FILIP1L: variants seen among roughly 807,000 people sequenced by gnomAD.
FILIP1L encodes the protein filamin A interacting protein 1 like.
FILIP1L carries 55 observed loss-of-function variants against 96.6 expected under a neutral mutation model. That is an observed-to-expected ratio of 0.57 (90% CI 0.46 to 0.71). The LOEUF is 0.71. FILIP1L is among the 30% of genes least tolerant of loss of function. FILIP1L has a pLI of 0.00. For missense variants in FILIP1L, 1,304 were observed against 1,321.2 expected (o/e 0.99, Z 0.20); for synonymous variants, 467 against 473.9 (o/e 0.99, Z 0.19).
At chr3:99,929,713 G>A in intron 3 of FILIP1L, 143 bp downstream of exon 3, 1 of 551,720 alleles carries the variant, frequency 1.8e-6, no homozygotes, top group Non-Finnish European at 3.0e-6. Flanking sequence ...TATTGAACTT[G>A]TCGTATTTAT....
intron 1 of FILIP1L, among the ~76,000 whole-genome samples, chr3:100,077,809 G>A (rs1165761214): frequency 6.6e-6 from 1 of 152,152 alleles, no homozygotes; most frequent in Non-Finnish European, 1.5e-5. Context: ...CTGGGAGGCT[G>A]AGACAGGAGG....
chr3:99,892,891 T>G (rs1706129945), intron 4 of FILIP1L, among the ~76,000 whole-genome samples: 1 of 152,200 alleles, frequency 6.6e-6, no homozygotes, highest in African/African-American at 2.4e-5. Context: ...TAAGTTATCT[T>G]TTACATAAAT....
Position 99,848,959 on chromosome 3 carries a change from A to G in FILIP1L, c.2717T>C (p.Val906Ala). 6.2e-7 allele frequency: 1 copy of G among 1,614,018 alleles called. No homozygotes were observed. The highest frequency in any genetic ancestry group is 8.5e-7 in the Non-Finnish European group (1 of 1,179,978). Residue 906 changes from valine to alanine, a missense_variant, in exon 5 of 6, where the codon GTT becomes GCT. Coordinates refer to ENST00000477258, the MANE Select transcript of FILIP1L (RefSeq NM_001387850.1). ...HTPGQPLHIK[V>A]TPDHVQNTAT... ...TGTGTTTTGTACATGGTCTGGAGTA[A>G]CCTTTATATGAAGTGGCTGCCCAGG...
chr3:99,832,633 A>G (rs1942718633), intron 5 of FILIP1L, among the ~76,000 whole-genome samples: 1 of 144,748 alleles, frequency 6.9e-6, no homozygotes, highest in Admixed American at 6.8e-5. Context: ...ACTTGAGGTC[A>G]GGAGTTCGAG....
chr3:99,911,955 A>G (rs1414237727), intron 4 of FILIP1L, among the ~76,000 whole-genome samples: 1 of 152,086 alleles, frequency 6.6e-6, no homozygotes, highest in Non-Finnish European at 1.5e-5. Context: ...TTTTCCAGCA[A>G]ATAATCATTT....
At chr3:99,840,226 T>C (rs1943073241) in intron 5 of FILIP1L, among the ~76,000 whole-genome samples, 2 of 143,766 alleles carry the variant, frequency 1.4e-5, no homozygotes, top group South Asian at 4.7e-4. Flanking sequence ...AGAATCTTTT[T>C]TTTTTTTTTT....
chr3:99,947,642 A>G (rs1420703737), intron 1 of FILIP1L, among the ~76,000 whole-genome samples: 1 of 152,218 alleles, frequency 6.6e-6, no homozygotes, highest in East Asian at 1.9e-4. Context: ...GCAGGATTTA[A>G]TCGCAACTCA....
chr3:100,016,546 G>C (rs1710345708), intron 1 of FILIP1L, among the ~76,000 whole-genome samples: 2 of 152,058 alleles, frequency 1.3e-5, no homozygotes, highest in Non-Finnish European at 2.9e-5. Context: ...CTTCTGTGAG[G>C]GTGCCTTGCT....
intron 4 of FILIP1L, chr3:99,875,933 G>A: frequency 2.1e-6 from 1 of 471,000 alleles, no homozygotes; most frequent in Non-Finnish European, 2.8e-6. Context: ...TTTGAACCTA[G>A]AATTCATTGG....
intron 4 of FILIP1L, among the ~76,000 whole-genome samples, chr3:99,875,038 A>G (rs561606034): frequency 1.8e-4 from 28 of 152,230 alleles, no homozygotes; most frequent in Non-Finnish European, 2.9e-4. Flanking sequence ...AAAAGGGACA[A>G]TTCTGTCACA....
At chr3:100,017,012 A>G (rs538921836) in intron 1 of FILIP1L, among the ~76,000 whole-genome samples, 1 of 152,282 alleles carries the variant, frequency 6.6e-6, no homozygotes, top group African/African-American at 2.4e-5. Flanking sequence ...AGATCTTTAA[A>G]TGGGTTTTTG....
chr3:99,851,563 G>T (rs559844394), intron 4 of FILIP1L, among the ~76,000 whole-genome samples: 42 of 152,194 alleles, frequency 2.8e-4, no homozygotes, highest in Non-Finnish European at 4.4e-4. Flanking sequence ...ATTAAATGCG[G>T]TAATTCATCT....
At chr3:99,998,880 A>G (rs1046711208) in intron 1 of FILIP1L, among the ~76,000 whole-genome samples, 6 of 148,490 alleles carry the variant, frequency 4.0e-5, no homozygotes, top group Admixed American at 4.0e-4. Context: ...TGGTTCTTAA[A>G]CTCTAACCTA....
intron 1 of FILIP1L, among the ~76,000 whole-genome samples, chr3:99,993,227 T>C (rs1017170717): frequency 6.6e-6 from 1 of 152,056 alleles, no homozygotes; most frequent in African/African-American, 2.4e-5. Flanking sequence ...AGAGATTACA[T>C]TGAATATTAT....
chr3:99,968,226 G>T (rs933853832), intron 1 of FILIP1L, among the ~76,000 whole-genome samples: 8 of 152,118 alleles, frequency 5.3e-5, no homozygotes, highest in African/African-American at 1.9e-4. Context: ...GGCTGGGAGA[G>T]TAGTATGTTC....
intron 1 of FILIP1L, among the ~76,000 whole-genome samples, chr3:100,081,489 T>G (rs923474602): frequency 6.6e-6 from 1 of 152,194 alleles, no homozygotes; most frequent in Non-Finnish European, 1.5e-5. Context: ...TTATCTTCCA[T>G]GTATACTTAT....
chr3:99,938,050 AGT>A (rs71625545), intron 1 of FILIP1L, among the ~76,000 whole-genome samples: 2,947 of 148,926 alleles, frequency 0.02, 84 homozygotes, highest in African/African-American at 0.067. Flanking sequence ...AGGCTCAGGA[AGT>A]GTGTGTGTGT....
chr3:99,986,181 T>G (rs913566336), intron 1 of FILIP1L, among the ~76,000 whole-genome samples: 1 of 152,224 alleles, frequency 6.6e-6, no homozygotes, highest in Non-Finnish European at 1.5e-5. Flanking sequence ...TCAAATATGT[T>G]CAAATTATAA....
chr3:99,986,660 A>G (rs1457434379), intron 1 of FILIP1L, among the ~76,000 whole-genome samples: 5 of 152,292 alleles, frequency 3.3e-5, no homozygotes, highest in African/African-American at 1.2e-4. Flanking sequence ...TGAAGTGGTG[A>G]TGGGTGTGGG....
Sources: allele counts gnomAD v4.1 joint callset (sites outside exome capture counted in the v4.1 genomes callset), GRCh38; gene constraint gnomAD v4.1.1; transcripts MANE v1.5; gene names NCBI Gene and HGNC (gene_info 2026-07-23, HGNC 2026-07-21).